The following DENND2A variants were observed in gnomAD, a reference collection of about 807,000 sequenced individuals.
DENND2A encodes DENN domain containing 2A, also known as DENN domain-containing protein 2A.
In DENND2A, 53 loss-of-function variants were observed where a neutral mutation model predicts 105.3. The observed-to-expected ratio is 0.50, with a 90% CI of 0.40 to 0.63. The LOEUF is 0.63. Ranked by LOEUF, DENND2A falls within the 30% of genes least tolerant of loss-of-function variation. The pLI is 0.00. For synonymous variants in DENND2A, 522 were observed against 508.4 expected, an observed-to-expected ratio of 1.03 and a Z score of -0.36; for missense variants, 1,138 against 1,279.6, an observed-to-expected ratio of 0.89 and a Z score of 1.69.
intron 5 of DENND2A, among the ~76,000 whole-genome samples, chr7:140,575,898 G>C (rs1215348169): frequency 6.6e-6 from 1 of 151,404 alleles, no homozygotes; most frequent in East Asian, 1.9e-4. Context: ...GAAGCCAGGA[G>C]GTAGAGGTTG....
intron 12 of DENND2A, among the ~76,000 whole-genome samples, chr7:140,550,617 A>G (rs1308157784): frequency 6.6e-6 from 1 of 151,952 alleles, no homozygotes; most frequent in Non-Finnish European, 1.5e-5. Context: ...CACTTCATCC[A>G]GCTTTAGCTA....
chr7:140,533,407 T>G (rs7806065), intron 14 of DENND2A, among the ~76,000 whole-genome samples: 56,597 of 151,980 alleles, frequency 0.37, 10,988 homozygotes, highest in African/African-American at 0.47. Flanking sequence ...CAGCCCTTTG[T>G]GACTCCTAAA....
intron 1 of DENND2A, among the ~76,000 whole-genome samples, chr7:140,636,039 C>T (rs951366943): frequency 1.3e-5 from 2 of 152,168 alleles, no homozygotes; most frequent in African/African-American, 2.4e-5. Flanking sequence ...GCCTGGCACT[C>T]TTCCCTGAGT....
chr7:140,526,825 C>T (rs1375465545), intron 15 of DENND2A, among the ~76,000 whole-genome samples: 3 of 152,154 alleles, frequency 2.0e-5, no homozygotes, highest in East Asian at 1.9e-4. Context: ...CCCAGTCCTC[C>T]GGGTCAAAAC....
rs1795945985 is a variant in DENND2A at position 140,523,738 on chromosome 7, C to A, written c.2548-314G>T. On this transcript the variant is annotated intron_variant, in intron 16 of 19. Transcript: ENST00000496613. This position sits in a 1 kb window ranked among gnomAD's most constrained non-coding sequence, Gnocchi z 4.5. ...TACAGGCGCGTGCCACCGCTCCTGG[C>A]TAATGTTTTGTATTTTTAGTAGTTT... Among the ~76,000 whole-genome samples, 1 of 152,156 alleles carries A rather than the reference C, an allele frequency of 6.6e-6. No individual in the cohort carries two copies. Among genetic ancestry groups the A allele is most frequent in the Non-Finnish European group, 1.5e-5 (1 of 68,030 alleles).
intron 1 of DENND2A, among the ~76,000 whole-genome samples, chr7:140,622,678 C>A (rs1011992601): frequency 1.3e-5 from 2 of 152,140 alleles, no homozygotes; most frequent in East Asian, 3.9e-4. Context: ...CCCGTCCCAG[C>A]CCCAACCGTC....
intron 3 of DENND2A, 83 bp downstream of exon 3, chr7:140,601,320 G>T: frequency 1.3e-6 from 2 of 1,490,210 alleles, no homozygotes; most frequent in Non-Finnish European, 1.8e-6. Flanking sequence ...AAATAATTCA[G>T]CTGAGAACAG....
At position 140,636,537 on chromosome 7, in the gene DENND2A, G is replaced by A. The variant is rs145770869; in HGVS notation, c.-248+3967C>T. 9.5e-4 allele frequency among the ~76,000 whole-genome samples: 145 copies of A among 152,188 alleles called. 1 individual carries two copies. Among genetic ancestry groups the A allele is most frequent in the African/African-American group, 3.2e-3 (134 of 41,512 alleles). ...CTTTTGGAATCTGAGTTTCCGTCCC[G>A]CCCTGTGATGGGCTCTCTATACGTG... On this transcript the variant is annotated intron_variant, in intron 1 of 19. Coordinates refer to ENST00000496613, the MANE Select transcript of DENND2A (RefSeq NM_015689.5).
intron 11 of DENND2A, among the ~76,000 whole-genome samples, chr7:140,557,109 G>C (rs554777384): frequency 3.4e-4 from 51 of 152,198 alleles, no homozygotes; most frequent in African/African-American, 1.2e-3. Context: ...AAAAATAATG[G>C]AGAAAGTATT....
chr7:140,519,643 A>G lies in DENND2A; in HGVS notation c.2987T>C (p.Leu996Pro). ...GCCCGGGGCCTTACCTAGTCCCTTC[A>G]GGAACTTATTGACACCGCTGTGCTC... ...SGEHSGVNKF[L>P]KGLGNKMKFL... Residue 996 changes from leucine (L) to proline (P), a missense_variant, in exon 19 of 20, where the codon CTG (leucine) becomes CCG (proline). Coordinates refer to ENST00000496613, the MANE Select transcript of DENND2A (RefSeq NM_015689.5). 1 of 1,614,054 alleles carries G rather than the reference A, an allele frequency of 6.2e-7. No individual in the cohort carries two copies. Among genetic ancestry groups the G allele is most frequent in the Non-Finnish European group, 8.5e-7 (1 of 1,179,988 alleles).
At position 140,590,105 on chromosome 7, in the gene DENND2A, G is replaced by T. The variant is rs115782786; in HGVS notation, c.996-2325C>A. 6.0e-3 allele frequency among the ~76,000 whole-genome samples: 912 copies of T among 152,192 alleles called. 6 individuals carry two copies. Among genetic ancestry groups the T allele is most frequent in the African/African-American group, 0.02 (846 of 41,540 alleles). On this transcript the variant is annotated intron_variant, in intron 3 of 19. Coordinates refer to ENST00000496613, the MANE Select transcript of DENND2A (RefSeq NM_015689.5). ...CTCGCTTATTTAAAGCACATGTAAT[G>T]CAGGCCGGGCGCGGTGGCTCATGTC...
intron 1 of DENND2A, among the ~76,000 whole-genome samples, chr7:140,623,860 G>GA (rs1232835340): frequency 5.9e-5 from 9 of 152,086 alleles, no homozygotes; most frequent in Non-Finnish European, 1.0e-4. Flanking sequence ...AAACCCTACT[G>GA]AAAAAACTCT....
chr7:140,542,916 A>G (rs1796731708), intron 14 of DENND2A, among the ~76,000 whole-genome samples: 1 of 151,978 alleles, frequency 6.6e-6, no homozygotes, highest in African/African-American at 2.4e-5. Context: ...CCCCATATCT[A>G]TGTAGGATGG....
intron 9 of DENND2A, among the ~76,000 whole-genome samples, chr7:140,563,893 C>G (rs1385239228): frequency 6.6e-6 from 1 of 151,978 alleles, no homozygotes; most frequent in Non-Finnish European, 1.5e-5. Flanking sequence ...CGGGAAGGCT[C>G]ACTTGAGCCC....
At chr7:140,612,505 A>AT (rs552346129) in intron 1 of DENND2A, among the ~76,000 whole-genome samples, 22,414 of 145,422 alleles carry the variant, frequency 0.15, 1,885 homozygotes, top group South Asian at 0.23. Context: ...TGTTATACTA[A>AT]TTTTTTTTTT....
In DENND2A at chr7:140,558,204, AAT is replaced by A. The variant is rs866577469; in HGVS notation, c.1896_1897del (p.Phe633LeufsTer30). 2 of 1,612,768 alleles carry A rather than the reference AAT, an allele frequency of 1.2e-6. No homozygotes were observed. The highest frequency in any genetic ancestry group is 2.7e-5 in the African/African-American group (2 of 74,928). The stretch of plus-strand genomic sequence containing the variant: ...ATCTTCTCCAGTTAAGACAAATGAG[AAT>A]GTTTCACTGTGGTTGGGAAAACACA... On this transcript the variant is annotated frameshift_variant, in exon 11 of 20. Transcript: ENST00000496613. LOFTEE classifies it high-confidence loss of function.
Position 140,583,882 on chromosome 7 carries a change from T to C in DENND2A, c.1245+1707A>G, listed in dbSNP as rs192167702. ...TGGAGCTTGCAGTGAGCCAAGATCGTGCCACTGCACTCCAGCCTGGGCGAC... is the reference window on the plus strand; with the variant it reads ...TGGAGCTTGCAGTGAGCCAAGATCGCGCCACTGCACTCCAGCCTGGGCGAC... On this transcript the variant is annotated intron_variant, in intron 5 of 19. Coordinates refer to ENST00000496613, the MANE Select transcript of DENND2A (RefSeq NM_015689.5). Among the ~76,000 whole-genome samples, 6 of 141,968 alleles carry C rather than the reference T, an allele frequency of 4.2e-5. 1 individual carries two copies. Among genetic ancestry groups the C allele is most frequent in the South Asian group, 2.2e-4 (1 of 4,602 alleles). The allele number at this position is 141,968 out of a possible 152,430, so 93.1% of individuals were successfully genotyped here. A position where few individuals can be genotyped will look rare whatever the true frequency, so the allele number is the denominator to read the frequency against.
chr7:140,534,755 TAGAA>T (rs1256519796), intron 14 of DENND2A, among the ~76,000 whole-genome samples: 37 of 151,994 alleles, frequency 2.4e-4, no homozygotes, highest in Non-Finnish European at 4.9e-4. Flanking sequence ...AAGGAAGACA[TAGAA>T]AGAGAGTCCT....
chr7:140,554,582 G>T (rs148083337), intron 12 of DENND2A, among the ~76,000 whole-genome samples: 1 of 152,270 alleles, frequency 6.6e-6, no homozygotes, highest in African/African-American at 2.4e-5. Flanking sequence ...GTTGCAGTGA[G>T]CCGAGATCGC....
Sources: gnomAD v4.1 joint callset for allele counts (sites outside exome capture counted in the v4.1 genomes callset) on GRCh38, gnomAD v4.1.1 for gene constraint, Gnocchi (gnomAD v3.1) non-coding constraint, MANE v1.5 for transcripts, NCBI Gene and HGNC (gene_info 2026-07-23, HGNC 2026-07-21) for gene names.